Variants in COPG2 observed in about 807,000 individuals in gnomAD.
COPG2 encodes coat protein complex I subunit gamma 2, also known as coatomer subunit gamma-2.
Under a neutral mutation model 46.3 loss-of-function variants are expected in COPG2, and 37 were observed. The observed-to-expected ratio is 0.80, with a 90% CI of 0.61 to 1.05. The LOEUF (loss-of-function observed/expected upper bound fraction) is 1.05, where lower values mean the gene tolerates loss of function less well. Ranked by LOEUF, COPG2 falls within the 50% of genes least tolerant of loss-of-function variation. The pLI is 0.00. For synonymous variants in COPG2, 159 were observed against 129.7 expected (o/e 1.23, Z -1.53); for missense variants, 427 against 387.8 (o/e 1.10, Z -0.85).
intron 5 of COPG2, among the ~76,000 whole-genome samples, chr7:130,637,799 G>A (rs1193029147): frequency 6.6e-6 from 1 of 152,098 alleles, no homozygotes; most frequent in Non-Finnish European, 1.5e-5. Flanking sequence ...TGGAGAAGAG[G>A]CATTCTGGTT....
chr7:130,604,318 A>G (rs951029783), intron 9 of COPG2, among the ~76,000 whole-genome samples: 9 of 152,254 alleles, frequency 5.9e-5, no homozygotes, highest in African/African-American at 2.2e-4. Context: ...GTATCTTTAC[A>G]ATATTGAATA....
chr7:130,509,028 C>CA (rs373840988), intron 20 of COPG2: 24,060 of 256,964 alleles, frequency 0.094, no homozygotes, highest in South Asian at 0.17. Context: ...AGGACCTGAC[C>CA]AAAAAAAAAA....
intron 4 of COPG2, 128 bp from the exon 5 acceptor site, chr7:130,653,076 A>G (rs1258435285): frequency 1.1e-5 from 6 of 536,220 alleles, no homozygotes; most frequent in African/African-American, 7.5e-5. Flanking sequence ...TCATCTACCA[A>G]AAAAAAAAAT....
intron 20 of COPG2, among the ~76,000 whole-genome samples, chr7:130,528,760 G>C (rs1334443518): frequency 6.6e-6 from 1 of 151,868 alleles, no homozygotes; most frequent in Non-Finnish European, 1.5e-5. Flanking sequence ...GCAGGCAATG[G>C]AGCCCAGCAG....
At chr7:130,642,371 C>T (rs367718786) in intron 5 of COPG2, among the ~76,000 whole-genome samples, 2 of 152,136 alleles carry the variant, frequency 1.3e-5, no homozygotes, top group East Asian at 3.9e-4. Context: ...TGAACATTTC[C>T]ATCACCCCAG....
At chr7:130,536,483 C>G (rs1283606995) in intron 20 of COPG2, among the ~76,000 whole-genome samples, 2 of 152,112 alleles carry the variant, frequency 1.3e-5, no homozygotes, top group African/African-American at 4.8e-5. Context: ...GGGAAAAAAA[C>G]AATCTCTAAA....
chr7:130,602,110 T>C lies in COPG2; in HGVS notation c.737+8843A>G, dbSNP rs142472552. 9.5e-3 allele frequency among the ~76,000 whole-genome samples: 1,444 copies of C among 152,326 alleles called. 14 individuals carry two copies. Among genetic ancestry groups the C allele is most frequent in the Middle Eastern group, 0.021 (6 of 292 alleles). On this transcript the variant is annotated intron_variant, in intron 9 of 23. Transcript: ENST00000425248. ...ACAGATTCTCTCAGATCCCTGACCA[T>C]AGCAACTAGGGAATAGTAAGTATTA...
intron 20 of COPG2, among the ~76,000 whole-genome samples, chr7:130,535,303 C>T (rs1165428889): frequency 6.6e-6 from 1 of 151,936 alleles, no homozygotes. Flanking sequence ...GAGGCAGCGC[C>T]GACAGGGGAG....
At chr7:130,603,503 T>C (rs1794674255) in intron 9 of COPG2, among the ~76,000 whole-genome samples, 1 of 152,118 alleles carries the variant, frequency 6.6e-6, no homozygotes, top group African/African-American at 2.4e-5. Flanking sequence ...GTGGATCACC[T>C]GAGGTCAGAA....
chr7:130,585,285 T>A (rs1426062184), intron 9 of COPG2, among the ~76,000 whole-genome samples: 1 of 152,004 alleles, frequency 6.6e-6, no homozygotes, highest in Non-Finnish European at 1.5e-5. Context: ...TGAAACTGGA[T>A]CCTCATCGCT....
intron 5 of COPG2, among the ~76,000 whole-genome samples, chr7:130,651,114 A>G (rs1048046282): frequency 6.6e-6 from 1 of 152,202 alleles, no homozygotes; most frequent in Admixed American, 6.5e-5. Flanking sequence ...AACCAGATTC[A>G]CTTCAATGAG....
At chr7:130,594,027 C>T (rs781865083) in intron 9 of COPG2, among the ~76,000 whole-genome samples, 7 of 151,946 alleles carry the variant, frequency 4.6e-5, no homozygotes, top group Non-Finnish European at 8.8e-5. Context: ...ACTTGCAACA[C>T]ATACAATCAA....
intron 5 of COPG2, among the ~76,000 whole-genome samples, chr7:130,620,088 GC>G (rs1795012748): frequency 6.6e-6 from 1 of 152,080 alleles, no homozygotes; most frequent in Non-Finnish European, 1.5e-5. Context: ...TTAATACGTA[GC>G]TATGTTTTTA....
intron 7 of COPG2, among the ~76,000 whole-genome samples, chr7:130,613,211 C>A (rs1288275250): frequency 6.6e-6 from 1 of 152,156 alleles, no homozygotes; most frequent in Non-Finnish European, 1.5e-5. Context: ...CAACCTAGAT[C>A]CCTGCATGCG....
chr7:130,613,754 A>G, intron 6 of COPG2, 118 bp from the exon 7 acceptor site: 2 of 688,648 alleles, frequency 2.9e-6, no homozygotes, highest in Non-Finnish European at 5.1e-6. Context: ...GCAAATATTC[A>G]GAATGCACTA....
At chr7:130,532,387 G>A (rs1181189628) in intron 20 of COPG2, among the ~76,000 whole-genome samples, 1 of 152,104 alleles carries the variant, frequency 6.6e-6, no homozygotes, top group Admixed American at 6.6e-5. Flanking sequence ...GGGGAGGGAA[G>A]GCGCAAAGGG....
intron 20 of COPG2, among the ~76,000 whole-genome samples, chr7:130,545,102 T>TAAA (rs1793417256): frequency 6.6e-6 from 1 of 152,140 alleles, no homozygotes; most frequent in Admixed American, 6.5e-5. Context: ...AGGAAGAAAG[T>TAAA]GGATAATTCT....
At chr7:130,647,120 A>G (rs1795628264) in intron 5 of COPG2, among the ~76,000 whole-genome samples, 1 of 151,698 alleles carries the variant, frequency 6.6e-6, no homozygotes. Flanking sequence ...GGCTCACTGC[A>G]ATCTCTGCCT....
intron 6 of COPG2, among the ~76,000 whole-genome samples, chr7:130,614,396 T>C (rs1243146174): frequency 1.3e-5 from 2 of 152,376 alleles, no homozygotes; most frequent in Middle Eastern, 3.4e-3. Flanking sequence ...ATTTATCAGA[T>C]GTATAATTTG....
Sources: allele counts gnomAD v4.1 joint callset (sites outside exome capture counted in the v4.1 genomes callset), GRCh38; gene constraint gnomAD v4.1.1; transcripts MANE v1.5; gene names NCBI Gene and HGNC (gene_info 2026-07-23, HGNC 2026-07-21).